Variants in NR2E3 observed in about 807,000 individuals in gnomAD.
The protein encoded by NR2E3 is photoreceptor-specific nuclear receptor.
In NR2E3, 38 loss-of-function variants were observed where a neutral mutation model predicts 37.6. The observed-to-expected ratio is 1.01, with a 90% CI of 0.78 to 1.33. The LOEUF (loss-of-function observed/expected upper bound fraction) is 1.33, where lower values mean the gene tolerates loss of function less well. Ranked by LOEUF, NR2E3 falls within the 40% of genes most tolerant of loss-of-function variation. The probability of loss-of-function intolerance (pLI) is 0.00; values close to 1 mark genes in which losing one functional copy is unlikely to be tolerated. For synonymous variants in NR2E3, 235 were observed against 225.1 expected, an observed-to-expected ratio of 1.04 and a Z score of -0.39; for missense variants, 562 against 558.7, an observed-to-expected ratio of 1.01 and a Z score of -0.06.
In NR2E3 at chr15:71,811,219, T is replaced by C. The variant is rs980416260; in HGVS notation, c.119-264T>C. Among the ~76,000 whole-genome samples, 4 of 138,276 alleles carry C rather than the reference T, an allele frequency of 2.9e-5. No individual in the cohort carries two copies. The highest frequency in any genetic ancestry group is 8.3e-5 in the African/African-American group (3 of 36,160). The allele number at this position is 138,276 out of a possible 152,430, so 90.7% of individuals were successfully genotyped here. On this transcript the variant is annotated intron_variant, in intron 1 of 7. Transcript: ENST00000617575. This position sits in a 1 kb window ranked among gnomAD's most constrained non-coding sequence, Gnocchi z 5.6. ...CCACCCACAGAGAAGGGATGGGAGC[T>C]GGGAAAGTGGAGCTAGGGCTCGGAC...
At chr15:71,816,312 G>A (rs1380650570) in intron 7 of NR2E3, among the ~76,000 whole-genome samples, 1 of 147,876 alleles carries the variant, frequency 6.8e-6, no homozygotes, top group Non-Finnish European at 1.5e-5. Flanking sequence ...CCAGGCTGGA[G>A]CGCAGTGGCG....
intron 5 of NR2E3, 146 bp downstream of exon 5, chr15:71,812,657 G>A (rs2140290381): frequency 1.4e-6 from 1 of 716,750 alleles, no homozygotes; most frequent in East Asian, 2.7e-5. Context: ...ACATACCTCT[G>A]ATTCAGCGAT....
In NR2E3 at chr15:71,810,624, C is replaced by A; in HGVS notation, c.-120C>A. 1 of 1,455,080 alleles carries A rather than the reference C, an allele frequency of 6.9e-7. No individual in the cohort carries two copies. Among genetic ancestry groups the A allele is most frequent in the Non-Finnish European group, 9.2e-7 (1 of 1,083,520 alleles). 90.1% of individuals were successfully genotyped at this position (1,455,080 alleles called of 1,614,324 possible). On this transcript the variant is annotated 5_prime_UTR_variant, in exon 1 of 8. Transcript: ENST00000617575. ...CCTTGGGGCAGCTCCTGAGTTCAGA[C>A]AGAGTTCAGGAAGGGAGACAGGGGC... is the stretch of plus-strand genomic sequence containing the variant.
In NR2E3 at chr15:71,817,694, A is replaced by AG. The variant is rs1194514761; in HGVS notation, c.*12dup. On this transcript the variant is annotated 3_prime_UTR_variant, in exon 8 of 8. Coordinates refer to ENST00000617575, the MANE Select transcript of NR2E3 (RefSeq NM_014249.4). Reference sequence around the variant, plus strand: ...TATGTTCAAAAACTAGTGGGGGTGGAGGTGAAATGTTTCCAAGCACTCTGG... The same window carrying AG: ...TATGTTCAAAAACTAGTGGGGGTGGAGGGTGAAATGTTTCCAAGCACTCTGG... 1.3e-6 allele frequency: 2 copies of AG among 1,587,246 alleles called. No individual in the cohort carries two copies. The highest frequency in any genetic ancestry group is 1.7e-5 in the Admixed American group (1 of 59,232).
chr15:71,811,484 C>A lies in NR2E3; in HGVS notation c.120C>A (p.Gly40=). 6.4e-7 allele frequency: 1 copy of A among 1,556,146 alleles called. No homozygotes were observed. The highest frequency in any genetic ancestry group is 8.7e-7 in the Non-Finnish European group (1 of 1,150,522). The stretch of plus-strand genomic sequence containing the variant: ...CCAGCCCTGCCCCCTGCCCCTCAGG[C>A]GTGAGCCCCTCGCTCCAGTGCCGCG... The part of the protein sequence containing the change: ...GRWGLGEDPT[G]VSPSLQCRVC... Residue 40 remains glycine (G), a splice_region_variant and synonymous_variant, in exon 2 of 8, where the codon GGC becomes GGA. Coordinates refer to ENST00000617575, the MANE Select transcript of NR2E3 (RefSeq NM_014249.4). The surrounding 1 kb of genome is among the most constrained non-coding windows in gnomAD (Gnocchi z 5.6).
In NR2E3 at chr15:71,810,624, CAG is replaced by C. The variant is rs2054170179; in HGVS notation, c.-117_-116del. ...CCTTGGGGCAGCTCCTGAGTTCAGACAGAGTTCAGGAAGGGAGACAGGGGCAC... is the reference window on the plus strand; with the variant it reads ...CCTTGGGGCAGCTCCTGAGTTCAGACAGTTCAGGAAGGGAGACAGGGGCAC... On this transcript the variant is annotated 5_prime_UTR_variant, in exon 1 of 8. Transcript: ENST00000617575. The C allele has an allele frequency of 6.9e-7, 1 of 1,454,962 alleles. No individual in the cohort carries two copies. The highest frequency in any genetic ancestry group is 2.2e-5 in the Admixed American group (1 of 44,590). The allele number at this position is 1,454,962 out of a possible 1,614,324, so 90.1% of individuals were successfully genotyped here. A position where few individuals can be genotyped will look rare whatever the true frequency, so the allele number is the denominator to read the frequency against.
rs1243259701 is a variant in NR2E3, at chr15:71,810,864, A to G, written c.118+3A>G. The G allele has an allele frequency of 7.1e-6, 11 of 1,551,624 alleles. No homozygotes were observed. In the African/African-American group the frequency reaches 1.1e-4, roughly 15 times the overall value. ...GGGCCTGGGGGAGGATCCCACAGGTATGGCTTCTCCTGGAGGTAGGGTTGG... is the reference window on the plus strand; with the variant it reads ...GGGCCTGGGGGAGGATCCCACAGGTGTGGCTTCTCCTGGAGGTAGGGTTGG... On this transcript the variant is annotated splice_donor_region_variant and intron_variant, in intron 1 of 7. Transcript: ENST00000617575.
At chr15:71,814,953 A>G in intron 7 of NR2E3, 2 of 971,016 alleles carry the variant, frequency 2.1e-6, no homozygotes, top group Non-Finnish European at 2.4e-6. Context: ...TTAAAAATAT[A>G]AAAAGGAAAG....
rs1367552026 is a variant in NR2E3, at chr15:71,810,780, G to T, written c.37G>T (p.Val13Leu). 6 of 1,576,752 alleles carry T rather than the reference G, an allele frequency of 3.8e-6. No homozygotes were observed. In the South Asian group the frequency reaches 7.0e-5, roughly 18 times the overall value. ...ACCAACAGCTCTGATGAGCTCCACAGTGGCTGCAGCTGCGCCTGCAGCTGG... is the reference window on the plus strand; with the variant it reads ...ACCAACAGCTCTGATGAGCTCCACATTGGCTGCAGCTGCGCCTGCAGCTGG... ...TRPTALMSST[V>L]AAAAPAAGAA... The change falls in exon 1 of 8, where the codon GTG becomes TTG. Residue 13 changes from valine (V) to leucine (L), a missense_variant. Transcript: ENST00000617575.
rs1373192710 is a variant in NR2E3, at chr15:71,812,418, C to G, written c.654C>G (p.Asp218Glu). 8.1e-6 allele frequency: 13 copies of G among 1,614,002 alleles called. No individual in the cohort carries two copies. The highest frequency in any genetic ancestry group is 1.0e-5 in the Non-Finnish European group (12 of 1,179,868). The change falls in exon 5 of 8, where the codon GAC (aspartate) becomes GAG (glutamate). Residue 218 changes from aspartate (D) to glutamate (E), a missense_variant. Coordinates refer to ENST00000617575, the MANE Select transcript of NR2E3 (RefSeq NM_014249.4). ...CCTCTTCCTCCCCCTGCGGCCTGGA[C>G]AGCATCCATGAGACCTCGGCTCGCC... ...PYSSSSPCGL[D>E]SIHETSARLL...
Position 71,812,500 on chromosome 15 carries a change from T to G in NR2E3, c.736T>G (p.Phe246Val), listed in dbSNP as rs1318822674. 6.2e-7 allele frequency: 1 copy of G among 1,610,644 alleles called. No homozygotes were observed. The highest frequency in any genetic ancestry group is 1.3e-5 in the African/African-American group (1 of 74,890). Reference protein sequence around the residue: ...KNLPVFSSLPFRDQVILLEEA... With the variant: ...KNLPVFSSLPVRDQVILLEEA... Reference sequence around the variant, plus strand: ...CCTGCCTGTGTTCTCCAGCCTGCCCTTCCGGGATCAGGTACCTACCGGCCT... The same window carrying G: ...CCTGCCTGTGTTCTCCAGCCTGCCCGTCCGGGATCAGGTACCTACCGGCCT... The change falls in exon 5 of 8, where the codon TTC becomes GTC. Residue 246 changes from phenylalanine to valine, a missense_variant. Physicochemically the swap from Phe to Val is conservative, Grantham distance 50. Transcript: ENST00000617575.
intron 7 of NR2E3, among the ~76,000 whole-genome samples, chr15:71,816,842 C>G (rs1478706452): frequency 1.3e-5 from 2 of 152,116 alleles, no homozygotes; most frequent in African/African-American, 4.8e-5. Context: ...GTTGAAGCTA[C>G]TGTAAGTTGA....
chr15:71,814,933 G>T (rs1348766710), intron 7 of NR2E3: 1 of 980,074 alleles, frequency 1.0e-6, no homozygotes, highest in Non-Finnish European at 1.2e-6. Context: ...CTCTTTGGGA[G>T]AAGACATTGT....
chr15:71,815,795 A>ATG (rs1229930245), intron 7 of NR2E3, among the ~76,000 whole-genome samples: 1 of 152,144 alleles, frequency 6.6e-6, no homozygotes, highest in African/African-American at 2.4e-5. Flanking sequence ...AATTTACCTG[A>ATG]TGTTTCTCTT....
rs1805024 is a variant in NR2E3, at chr15:71,813,523, G to A, written c.882G>A (p.Thr294=). 16 of 1,613,418 alleles carry A rather than the reference G, an allele frequency of 9.9e-6. No homozygotes were observed. In the East Asian group the frequency reaches 1.6e-4, roughly 16 times the overall value. Residue 294 remains threonine (T), a synonymous_variant, in exon 6 of 8, where the codon ACG becomes ACA. Transcript: ENST00000617575. This position sits in a 1 kb window ranked among gnomAD's most constrained non-coding sequence, Gnocchi z 4.7. ...CCGGTGGTGCCCAGGGCCGGCTCAC[G>A]CTGGCCAGCATGGAGACGCGTGTCC... ...SAAGGAQGRL[T]LASMETRVLQ...
chr15:71,811,365 T>G lies in NR2E3; in HGVS notation c.119-118T>G. 1.1e-6 allele frequency: 1 copy of G among 944,164 alleles called. No individual in the cohort carries two copies. The highest frequency in any genetic ancestry group is 1.6e-6 in the Non-Finnish European group (1 of 632,474). 58.5% of individuals were successfully genotyped at this position (944,164 alleles called of 1,614,324 possible). On this transcript the variant is annotated intron_variant, in intron 1 of 7. Transcript: ENST00000617575. This position sits in a 1 kb window ranked among gnomAD's most constrained non-coding sequence, Gnocchi z 5.6. ...ATGGAAGAGTCACGCGTGGGTTCGTTCAAATGCGGGTGAGCGGGGCCTGAG... is the reference window on the plus strand; with the variant it reads ...ATGGAAGAGTCACGCGTGGGTTCGTGCAAATGCGGGTGAGCGGGGCCTGAG...
Position 71,817,596 on chromosome 15 carries a change from C to A in NR2E3, c.1145C>A (p.Thr382Asn). ...CTCCTCCCGTCTTTGAGGTTTATCA[C>A]TGCGGAACGCATCGAGCTCCTCTTT... ...LLLLPSLRFI[T>N]AERIELLFFR... The change falls in exon 8 of 8, where the codon ACT becomes AAT. Residue 382 changes from threonine (T) to asparagine (N), a missense_variant. Transcript: ENST00000617575. 6.2e-7 allele frequency: 1 copy of A among 1,609,700 alleles called. No homozygotes were observed. The highest frequency in any genetic ancestry group is 2.2e-5 in the East Asian group (1 of 44,748).
chr15:71,812,569 C>T lies in NR2E3; in HGVS notation c.747+58C>T, dbSNP rs1322934559. On this transcript the variant is annotated intron_variant, in intron 5 of 7. Transcript: ENST00000617575. ...CTGGGCTGGGGTCAGGCGGCCCACT[C>T]GAGTCAACCAGACAGGGCACACACA... 38 of 1,474,312 alleles carry T rather than the reference C, an allele frequency of 2.6e-5. No homozygotes were observed. In the South Asian group the frequency reaches 2.8e-4, roughly 11 times the overall value. The allele number at this position is 1,474,312 out of a possible 1,614,324, so 91.3% of individuals were successfully genotyped here.
At position 71,815,292 on chromosome 15, in the gene NR2E3, G is replaced by A. The variant is rs1170076482; in HGVS notation, c.1100+1175G>A. Among the ~76,000 whole-genome samples the A allele has an allele frequency of 3.9e-5, 6 of 152,208 alleles. 1 individual carries two copies. The highest frequency in any genetic ancestry group is 3.3e-4 in the Admixed American group (5 of 15,284). ...GAAGCAAGCTAATATGGGCATCCTT[G>A]CATCACCTCTAATCCAAGAAATGAT... On this transcript the variant is annotated intron_variant, in intron 7 of 7. Coordinates refer to ENST00000617575, the MANE Select transcript of NR2E3 (RefSeq NM_014249.4).
Sources: gnomAD v4.1 joint callset for allele counts (sites outside exome capture counted in the v4.1 genomes callset) on GRCh38, gnomAD v4.1.1 for gene constraint, Gnocchi (gnomAD v3.1) non-coding constraint, MANE v1.5 for transcripts, NCBI Gene and HGNC (gene_info 2026-07-23, HGNC 2026-07-21) for gene names.